Variants in CNTN1 observed in about 807,000 individuals in gnomAD.
CNTN1 encodes contactin-1.
CNTN1 carries 38 observed loss-of-function variants against 126.4 expected under a neutral mutation model. The ratio of observed to expected loss-of-function variants is 0.30; its 90% confidence interval spans 0.23 to 0.39. The LOEUF is 0.39. Among genes scored for constraint, CNTN1 ranks in the 10% least tolerant of loss-of-function variants. The probability of loss-of-function intolerance (pLI) is 1.00; values close to 1 mark genes in which losing one functional copy is unlikely to be tolerated. For synonymous variants in CNTN1, 413 were observed against 422.6 expected (o/e 0.98, Z 0.28); for missense variants, 1,009 against 1,248.4 (o/e 0.81, Z 2.89).
At chr12:40,719,078 T>A (rs17128674) in intron 1 of CNTN1, among the ~76,000 whole-genome samples, 6,585 of 152,246 alleles carry the variant, frequency 0.043, 283 homozygotes, top group African/African-American at 0.12. Context: ...CAAAACTTTT[T>A]AAACACTGAA....
intron 1 of CNTN1, among the ~76,000 whole-genome samples, chr12:40,776,382 C>CT (rs994412784): frequency 2.0e-5 from 3 of 151,398 alleles, no homozygotes; most frequent in Admixed American, 6.6e-5. Flanking sequence ...AATAAAGTTA[C>CT]TTTTTTTTCT....
intron 23 of CNTN1, among the ~76,000 whole-genome samples, chr12:41,054,454 A>G (rs12321608): frequency 0.082 from 12,414 of 152,014 alleles, 749 homozygotes; most frequent in African/African-American, 0.16. Flanking sequence ...ATCATGGTGA[A>G]AATATGATTA....
chr12:40,792,241 T>C (rs1940246123), intron 1 of CNTN1, among the ~76,000 whole-genome samples: 1 of 152,048 alleles, frequency 6.6e-6, no homozygotes, highest in Admixed American at 6.6e-5. Context: ...TCTCAGCTCC[T>C]CCACCCACTT....
chr12:40,976,452 A>G (rs1306039086), intron 15 of CNTN1, among the ~76,000 whole-genome samples: 1 of 152,094 alleles, frequency 6.6e-6, no homozygotes, highest in Non-Finnish European at 1.5e-5. Flanking sequence ...GTAATAGTGA[A>G]ATAAGCTGCA....
At chr12:40,765,659 T>A (rs1251945360) in intron 1 of CNTN1, among the ~76,000 whole-genome samples, 1 of 152,174 alleles carries the variant, frequency 6.6e-6, no homozygotes, top group Non-Finnish European at 1.5e-5. Context: ...AACAGAAAAA[T>A]GACTATTGAT....
intron 1 of CNTN1, among the ~76,000 whole-genome samples, chr12:40,844,909 C>G (rs569402459): frequency 6.6e-6 from 1 of 152,082 alleles, no homozygotes; most frequent in East Asian, 1.9e-4. Flanking sequence ...TTTTGCTTTG[C>G]TAAGTGATCT....
At chr12:40,989,359 T>A (rs539258254) in intron 16 of CNTN1, among the ~76,000 whole-genome samples, 1 of 152,152 alleles carries the variant, frequency 6.6e-6, no homozygotes, top group East Asian at 1.9e-4. Context: ...TTAAAAAGCA[T>A]ACAAAGCGGC....
chr12:40,746,228 C>A lies in CNTN1; in HGVS notation c.-77+53636C>A, dbSNP rs191670007. ...CTTACTACTACCAAATTATACTTAA[C>A]TGTTAAAACATTTTAAGGTATCAAA... On this transcript the variant is annotated intron_variant, in intron 1 of 23. Transcript: ENST00000551295. Among the ~76,000 whole-genome samples the A allele has an allele frequency of 3.2e-3, 482 of 152,202 alleles. 1 individual carries two copies. The highest frequency in any genetic ancestry group is 4.9e-3 in the Non-Finnish European group (334 of 67,980).
At chr12:40,760,310 T>A (rs1321682200) in intron 1 of CNTN1, among the ~76,000 whole-genome samples, 1 of 152,196 alleles carries the variant, frequency 6.6e-6, no homozygotes, top group Non-Finnish European at 1.5e-5. Context: ...ATGTGAAGCA[T>A]CCCATGTGTC....
intron 1 of CNTN1, among the ~76,000 whole-genome samples, chr12:40,839,758 G>T (rs1366109966): frequency 1.3e-5 from 2 of 152,100 alleles, no homozygotes; most frequent in Non-Finnish European, 2.9e-5. Flanking sequence ...AGTCCTACAA[G>T]AAATGCTCGT....
intron 23 of CNTN1, among the ~76,000 whole-genome samples, chr12:41,032,044 C>T (rs559565383): frequency 5.3e-4 from 80 of 152,088 alleles, no homozygotes; most frequent in Non-Finnish European, 1.0e-3. Context: ...TTCATTCATT[C>T]ATTCAACAAA....
chr12:40,902,515 G>A (rs1156502060), intron 1 of CNTN1, among the ~76,000 whole-genome samples: 2 of 152,114 alleles, frequency 1.3e-5, no homozygotes, highest in Admixed American at 1.3e-4. Context: ...GAACTTTCAC[G>A]AGGTTGAAAT....
At chr12:40,839,477 T>C (rs1942195897) in intron 1 of CNTN1, among the ~76,000 whole-genome samples, 1 of 152,214 alleles carries the variant, frequency 6.6e-6, no homozygotes, top group African/African-American at 2.4e-5. Flanking sequence ...TGGCACATTA[T>C]AGTATGACTG....
chr12:40,899,546 C>A (rs771814147), intron 1 of CNTN1, among the ~76,000 whole-genome samples: 4 of 152,170 alleles, frequency 2.6e-5, no homozygotes, highest in Non-Finnish European at 5.9e-5. Context: ...TATTAAATAT[C>A]ATGCATCTTC....
At position 40,933,746 on chromosome 12, in the gene CNTN1, A is replaced by C. The variant is rs897467981; in HGVS notation, c.853A>C (p.Thr285Pro). The change falls in exon 9 of 24, where the codon ACT (threonine) becomes CCT (proline). Residue 285 changes from threonine (T) to proline (P), a missense_variant. By Grantham distance (38) the Thr-to-Pro change is conservative. Transcript: ENST00000551295. ...WRKVLEPMPS[T>P]AEISTSGAVL... is the part of the protein sequence containing the mutation. Reference sequence around the variant, plus strand: ...GAAGGTTCTAGAACCAATGCCAAGCACTGCTGAGATTAGCACCTCTGGGGC... The same window carrying C: ...GAAGGTTCTAGAACCAATGCCAAGCCCTGCTGAGATTAGCACCTCTGGGGC... The C allele has an allele frequency of 1.2e-6, 2 of 1,612,838 alleles. No homozygotes were observed. The highest frequency in any genetic ancestry group is 1.7e-5 in the Admixed American group (1 of 59,822).
chr12:40,834,330 T>C (rs868654556), intron 1 of CNTN1, among the ~76,000 whole-genome samples: 2 of 152,200 alleles, frequency 1.3e-5, no homozygotes, highest in Non-Finnish European at 2.9e-5. Flanking sequence ...TGCTCCTAGA[T>C]TGCATTATAA....
chr12:40,756,436 G>C (rs138745973), intron 1 of CNTN1, among the ~76,000 whole-genome samples: 1 of 152,218 alleles, frequency 6.6e-6, no homozygotes, highest in Non-Finnish European at 1.5e-5. Flanking sequence ...TAACTAAAAG[G>C]TCAGTGTTTC....
intron 14 of CNTN1, among the ~76,000 whole-genome samples, chr12:40,958,377 G>GTATGTA (rs1555188810): frequency 8.0e-6 from 1 of 124,350 alleles, no homozygotes; most frequent in Non-Finnish European, 1.8e-5. Context: ...GTGTGTGTGT[G>GTATGTA]TGTATGTATG....
At chr12:40,952,084 C>G (rs958061552) in intron 14 of CNTN1, among the ~76,000 whole-genome samples, 1 of 150,028 alleles carries the variant, frequency 6.7e-6, no homozygotes, top group African/African-American at 2.5e-5. Context: ...AGTAAAATAA[C>G]AACATATCAT....
Sources: gnomAD v4.1 joint callset for allele counts (sites outside exome capture counted in the v4.1 genomes callset) on GRCh38, gnomAD v4.1.1 for gene constraint, MANE v1.5 for transcripts, NCBI Gene and HGNC (gene_info 2026-07-23, HGNC 2026-07-21) for gene names.